EIF4E3: variants seen among roughly 807,000 people sequenced by gnomAD.
The protein encoded by EIF4E3 is eukaryotic translation initiation factor 4E family member 3.
In EIF4E3, 26 loss-of-function variants were observed where a neutral mutation model predicts 31.7. The ratio of observed to expected loss-of-function variants is 0.82; its 90% CI spans 0.60 to 1.14. EIF4E3 has a LOEUF of 1.14. EIF4E3 is among the 50% of genes most tolerant of loss of function. The pLI, the probability that EIF4E3 is intolerant of heterozygous loss-of-function variation, is 0.00. For synonymous variants in EIF4E3, 128 were observed against 107.7 expected (o/e 1.19, Z -1.17); for missense variants, 304 against 270.9 (o/e 1.12, Z -0.86).
At chr3:71,718,146 A>G (rs2049492721) in intron 1 of EIF4E3, among the ~76,000 whole-genome samples, 1 of 152,260 alleles carries the variant, frequency 6.6e-6, no homozygotes, top group Admixed American at 6.5e-5. Context: ...GATTTACAAC[A>G]TCGGGCTCAG....
At chr3:71,715,472 T>G (rs2049450993) in intron 1 of EIF4E3, among the ~76,000 whole-genome samples, 1 of 152,226 alleles carries the variant, frequency 6.6e-6, no homozygotes, top group Non-Finnish European at 1.5e-5. Context: ...TCATATCATT[T>G]TTTAATTCTC....
chr3:71,662,680 G>A, the EIF4E3 span, among the ~76,000 whole-genome samples: 1 of 152,204 alleles, frequency 6.6e-6, no homozygotes, highest in Non-Finnish European at 1.5e-5. Context: ...ACCACCAGCT[G>A]CTGTAAAACC....
At position 71,725,049 on chromosome 3, in the gene EIF4E3, G is replaced by T; in HGVS notation, c.176+143C>A. On this transcript the variant is annotated intron_variant, in intron 1 of 6. Transcript: ENST00000425534. The surrounding 1 kb of genome is among the most constrained non-coding windows in gnomAD (Gnocchi z 6.1). ...TTCCGACCCGGCGGGGCGAGTCCCGGGGTGCGCAGGCGGACGCGCGGAGGG... is the reference window on the plus strand; with the variant it reads ...TTCCGACCCGGCGGGGCGAGTCCCGTGGTGCGCAGGCGGACGCGCGGAGGG... 1.7e-6 allele frequency: 1 copy of T among 605,810 alleles called. No individual in the cohort carries two copies. Among genetic ancestry groups the T allele is most frequent in the Non-Finnish European group, 2.1e-6 (1 of 478,534 alleles). 37.5% of individuals were successfully genotyped at this position (605,810 alleles called of 1,614,324 possible).
chr3:71,736,315 G>A (rs763776471), intron 1 of EIF4E3, among the ~76,000 whole-genome samples: 16 of 152,150 alleles, frequency 1.1e-4, no homozygotes, highest in South Asian at 4.1e-4. Flanking sequence ...TTACCCAATT[G>A]AGCTGAAAAT....
chr3:71,708,042 T>C (rs748953149), intron 2 of EIF4E3, among the ~76,000 whole-genome samples: 4 of 151,820 alleles, frequency 2.6e-5, no homozygotes, highest in Non-Finnish European at 5.9e-5. Context: ...CCAGGCTAAT[T>C]TTTGTATTTT....
chr3:71,664,708 T>G, the EIF4E3 span, among the ~76,000 whole-genome samples: 1 of 152,122 alleles, frequency 6.6e-6, no homozygotes, highest in African/African-American at 2.4e-5. Flanking sequence ...ATCCCATCTC[T>G]ATTAAAAATA....
In EIF4E3 at chr3:71,692,539, T is replaced by G. The variant is rs150072749; in HGVS notation, c.472+1336A>C. ...TGTATATTATCAAGTTGCTAAATAC[T>G]CCCTATTAAAACAGAAGGAATCTGT... is the stretch of plus-strand genomic sequence containing the variant. On this transcript the variant is annotated intron_variant, in intron 5 of 6. Coordinates refer to ENST00000425534, the MANE Select transcript of EIF4E3 (RefSeq NM_001134651.2). Among the ~76,000 whole-genome samples the G allele has an allele frequency of 3.6e-3, 549 of 152,112 alleles. 3 individuals carry two copies. Among genetic ancestry groups the G allele is most frequent in the African/African-American group, 0.012 (494 of 41,488 alleles).
chr3:71,720,323 G>T (rs2049527843), intron 1 of EIF4E3, among the ~76,000 whole-genome samples: 1 of 151,926 alleles, frequency 6.6e-6, no homozygotes, highest in South Asian at 2.1e-4. Flanking sequence ...AGCCTCCCAA[G>T]TAGCTGGGAC....
chr3:71,686,114 T>C (rs1365540006), intron 6 of EIF4E3, among the ~76,000 whole-genome samples: 1 of 152,116 alleles, frequency 6.6e-6, no homozygotes, highest in Non-Finnish European at 1.5e-5. Context: ...GTCTCCTGAG[T>C]AGCTGGGATT....
chr3:71,709,202 A>G (rs1165999109), intron 2 of EIF4E3, among the ~76,000 whole-genome samples: 5 of 152,202 alleles, frequency 3.3e-5, no homozygotes, highest in Non-Finnish European at 7.3e-5. Flanking sequence ...GGGATACAAC[A>G]GGAAAGCTAT....
At chr3:71,750,197 A>C (rs2049912784) in intron 1 of EIF4E3, among the ~76,000 whole-genome samples, 1 of 152,204 alleles carries the variant, frequency 6.6e-6, no homozygotes, top group Non-Finnish European at 1.5e-5. Context: ...ATAATCACTT[A>C]ACTTCCATTT....
intron 3 of EIF4E3, among the ~76,000 whole-genome samples, chr3:71,697,901 C>T (rs1027651320): frequency 6.6e-6 from 1 of 152,126 alleles, no homozygotes; most frequent in Non-Finnish European, 1.5e-5. Context: ...CTTCGACATA[C>T]TGATTTCCTT....
intron 4 of EIF4E3, among the ~76,000 whole-genome samples, chr3:71,695,846 G>C (rs745980102): frequency 1.3e-5 from 2 of 152,118 alleles, no homozygotes; most frequent in African/African-American, 4.8e-5. Flanking sequence ...TAATGTTCAC[G>C]TTCATTTCCA....
At chr3:71,740,255 T>C (rs1460842218) in intron 1 of EIF4E3, among the ~76,000 whole-genome samples, 1 of 152,240 alleles carries the variant, frequency 6.6e-6, no homozygotes, top group African/African-American at 2.4e-5. Flanking sequence ...AATATTCGCA[T>C]TAAATGTACA....
chr3:71,661,932 A>G, the EIF4E3 span, among the ~76,000 whole-genome samples: 1 of 152,332 alleles, frequency 6.6e-6, no homozygotes, highest in African/African-American at 2.4e-5. Flanking sequence ...ATCCTGGCTC[A>G]CCACTTTCCA....
At chr3:71,733,276 C>T (rs908712160) in intron 1 of EIF4E3, among the ~76,000 whole-genome samples, 1 of 152,174 alleles carries the variant, frequency 6.6e-6, no homozygotes, top group Non-Finnish European at 1.5e-5. Context: ...GGCCTCTAAT[C>T]CCCACTATGA....
chr3:71,753,293 G>C (rs1361752175), intron 1 of EIF4E3, among the ~76,000 whole-genome samples: 1 of 152,176 alleles, frequency 6.6e-6, no homozygotes, highest in Non-Finnish European at 1.5e-5. Context: ...AGCGGTTTTA[G>C]GATTACGATG....
intron 2 of EIF4E3, among the ~76,000 whole-genome samples, chr3:71,703,843 A>G (rs899350693): frequency 1.1e-4 from 17 of 148,832 alleles, no homozygotes; most frequent in Non-Finnish European, 1.9e-4. Flanking sequence ...AAATTCCAGG[A>G]TTTATTCCAA....
rs561150421 is a variant in EIF4E3, at chr3:71,679,977, A to G, written c.*4705T>C. On this transcript the variant is annotated 3_prime_UTR_variant, in exon 7 of 7. Transcript: ENST00000425534. ...ACACTAATTTCTTTTCTCTTAACAG[A>G]CTGAAATGGTATTTAGAAAAGAGAA... 2 of 152,292 alleles carry G rather than the reference A, an allele frequency of 1.3e-5. No individual in the cohort carries two copies. The highest frequency in any genetic ancestry group is 4.8e-5 in the African/African-American group (2 of 41,558). The allele number at this position is 152,292 out of a possible 1,614,324, so 9.4% of individuals were successfully genotyped here.
Sources: gnomAD v4.1 joint callset for allele counts (sites outside exome capture counted in the v4.1 genomes callset) on GRCh38, gnomAD v4.1.1 for gene constraint, Gnocchi (gnomAD v3.1) non-coding constraint, MANE v1.5 for transcripts, NCBI Gene and HGNC (gene_info 2026-07-23, HGNC 2026-07-21) for gene names.